The following IPO9 variants were observed in gnomAD, a reference collection of about 807,000 sequenced individuals.
IPO9 encodes importin 9.
Under a neutral mutation model 128.6 loss-of-function variants are expected in IPO9, and 28 were observed. The ratio of observed to expected loss-of-function variants is 0.22; its 90% confidence interval spans 0.16 to 0.30. The LOEUF is 0.30. Among genes scored for constraint, IPO9 ranks in the 10% least tolerant of loss-of-function variants. The pLI, the probability that IPO9 is intolerant of heterozygous loss-of-function variation, is 1.00. For synonymous variants in IPO9, 455 were observed against 475.8 expected (o/e 0.96, Z 0.57); for missense variants, 935 against 1,293.9 (o/e 0.72, Z 4.26).
chr1:201,841,900 T>C (rs1249744885), intron 1 of IPO9, among the ~76,000 whole-genome samples: 4 of 152,222 alleles, frequency 2.6e-5, no homozygotes, highest in Non-Finnish European at 4.4e-5. Flanking sequence ...AAACCATTTT[T>C]CCTCTGCTCT....
rs563047451 is a variant in IPO9 at position 201,875,583 on chromosome 1, C to T, written c.3015+355C>T. ...CGAGCCTGGGCGACAAAGCAAGACC[C>T]TGTGTTCAAAAAAAAAAAAAAATCC... On this transcript the variant is annotated intron_variant, in intron 23 of 23. Transcript: ENST00000361565. Among the ~76,000 whole-genome samples the T allele has an allele frequency of 1.2e-4, 17 of 145,196 alleles. No individual in the cohort carries two copies. The South Asian group carries it at 3.6e-3, about 31-fold the overall frequency.
chr1:201,851,457 A>C (rs1028923251), intron 4 of IPO9, among the ~76,000 whole-genome samples: 2 of 148,692 alleles, frequency 1.3e-5, no homozygotes, highest in Non-Finnish European at 3.0e-5. Flanking sequence ...TGTGTGGTGT[A>C]TTTGGTTTTT....
rs1178878114 is a variant in IPO9, at chr1:201,879,877, AAAAAT to A, written c.*3828_*3832del. ...AATGTGGTGAAACCCCGCCTCTACT[AAAAAT>A]AAAAAAATTAGCTGGGCATGGTGGC... On this transcript the variant is annotated 3_prime_UTR_variant, in exon 24 of 24. Transcript: ENST00000361565. The A allele has an allele frequency of 2.0e-5, 3 of 152,140 alleles. No homozygotes were observed. The highest frequency in any genetic ancestry group is 6.5e-5 in the Admixed American group (1 of 15,270). The allele number at this position is 152,140 out of a possible 1,614,324, so 9.4% of individuals were successfully genotyped here. A position where few individuals can be genotyped will look rare whatever the true frequency, so the allele number is the denominator to read the frequency against.
chr1:201,855,871 TAAG>T lies in IPO9; in HGVS notation c.1062_1064del (p.Lys355del), dbSNP rs778839018. ...AAAATAGCAAATTCAAAAGCACTGT[TAAG>T]AAAGCCTTGCCTGAATTGATTTATT... is the stretch of plus-strand genomic sequence containing the variant. On this transcript the variant is annotated inframe_deletion, in exon 10 of 24. Transcript: ENST00000361565. 1.9e-6 allele frequency: 3 copies of T among 1,612,122 alleles called. No homozygotes were observed. The Admixed American group carries it at 5.1e-5, about 27-fold the overall frequency.
chr1:201,837,088 G>C (rs1248858850), intron 1 of IPO9, among the ~76,000 whole-genome samples: 6 of 152,100 alleles, frequency 3.9e-5, no homozygotes, highest in African/African-American at 1.4e-4. Flanking sequence ...GGCTAACTTG[G>C]GTTTTTGGCC....
intron 4 of IPO9, among the ~76,000 whole-genome samples, chr1:201,850,262 A>G (rs184680891): frequency 1.5e-4 from 23 of 152,298 alleles, no homozygotes; most frequent in Non-Finnish European, 2.8e-4. Flanking sequence ...ACTTGCTCCA[A>G]ATATTTTCAA....
chr1:201,851,047 ACT>A (rs1380755008), intron 4 of IPO9, among the ~76,000 whole-genome samples: 1 of 151,808 alleles, frequency 6.6e-6, no homozygotes, highest in Non-Finnish European at 1.5e-5. Context: ...ACATGGTCTC[ACT>A]CTGTCACCCA....
chr1:201,878,440 C>G lies in IPO9; in HGVS notation c.*2386C>G, dbSNP rs367987270. 4.0e-4 allele frequency: 61 copies of G among 152,590 alleles called. No homozygotes were observed. The highest frequency in any genetic ancestry group is 1.4e-3 in the African/African-American group (59 of 41,428). 9.5% of individuals were successfully genotyped at this position (152,590 alleles called of 1,614,324 possible). A position where few individuals can be genotyped will look rare whatever the true frequency, so the allele number is the denominator to read the frequency against. ...AATGATGGGGGTCCCTCTGCGTCTG[C>G]TAATTAGACAAACATTCTATATCTA... On this transcript the variant is annotated 3_prime_UTR_variant, in exon 24 of 24. Transcript: ENST00000361565.
In IPO9 at chr1:201,863,542, A is replaced by T; in HGVS notation, c.1563A>T (p.Thr521=). Residue 521 remains threonine, a synonymous_variant, in exon 14 of 24, where the codon ACA becomes ACT. Transcript: ENST00000361565. The part of the protein sequence containing the change: ...PELIQQFLQA[T]VSGLHETQPP... The stretch of plus-strand genomic sequence containing the variant: ...TGATCCAGCAGTTCCTACAGGCAAC[A>T]GTTAGTGGTCTTCACGAGACACAGC... The T allele has an allele frequency of 5.6e-6, 9 of 1,607,442 alleles. No individual in the cohort carries two copies. Among genetic ancestry groups the T allele is most frequent in the Non-Finnish European group, 7.7e-6 (9 of 1,174,504 alleles).
At chr1:201,846,168 GTTAC>G (rs1420930797) in intron 1 of IPO9, among the ~76,000 whole-genome samples, 1 of 152,168 alleles carries the variant, frequency 6.6e-6, no homozygotes, top group African/African-American at 2.4e-5. Flanking sequence ...GGAAGTAAGA[GTTAC>G]TTACAGCCTC....
At chr1:201,843,877 G>C (rs1366816790) in intron 1 of IPO9, among the ~76,000 whole-genome samples, 1 of 149,680 alleles carries the variant, frequency 6.7e-6, no homozygotes, top group Non-Finnish European at 1.5e-5. Context: ...AGTTAGGAAA[G>C]AATAAGGCTT....
intron 14 of IPO9, among the ~76,000 whole-genome samples, chr1:201,865,470 A>G (rs1680536043): frequency 6.6e-6 from 1 of 152,036 alleles, no homozygotes; most frequent in Non-Finnish European, 1.5e-5. Context: ...CACCTCCCAA[A>G]GTGCTGGGAT....
chr1:201,876,335 C>T lies in IPO9; in HGVS notation c.*281C>T, dbSNP rs1205710781. 5.6e-6 allele frequency: 3 copies of T among 536,600 alleles called. No individual in the cohort carries two copies. In the East Asian group the frequency reaches 1.0e-4, roughly 19 times the overall value. 33.2% of individuals were successfully genotyped at this position (536,600 alleles called of 1,614,324 possible). On this transcript the variant is annotated 3_prime_UTR_variant, in exon 24 of 24. Transcript: ENST00000361565. ...TACCCCCACCTCTGTTCCTAGAGCC[C>T]TCTGCTGGCGAGTCCAGAAACATTA...
chr1:201,850,109 T>C (rs1480598665), intron 4 of IPO9, among the ~76,000 whole-genome samples: 7 of 152,242 alleles, frequency 4.6e-5, no homozygotes, highest in African/African-American at 1.2e-4. Context: ...AGAGCTCTTA[T>C]TGTGTTTGAC....
Position 201,854,642 on chromosome 1 carries a change from G to C in IPO9, c.738G>C (p.Glu246Asp). 2 of 1,614,156 alleles carry C rather than the reference G, an allele frequency of 1.2e-6. No homozygotes were observed. Among genetic ancestry groups the C allele is most frequent in the Non-Finnish European group, 1.7e-6 (2 of 1,180,036 alleles). The stretch of plus-strand genomic sequence containing the variant: ...TTCCCGTGGTACAGCAGTTCACAGA[G>C]GCCTTTGTTCAGGCCCTCCAGATAC... ...LIFPVVQQFTEAFVQALQIPD... is the reference protein window; with the variant it reads ...LIFPVVQQFTDAFVQALQIPD... The change falls in exon 7 of 24, where the codon GAG becomes GAC. Residue 246 changes from glutamate (E) to aspartate (D), a missense_variant. Glu to Asp is a conservative substitution (Grantham distance 45). Transcript: ENST00000361565.
intron 13 of IPO9, among the ~76,000 whole-genome samples, chr1:201,861,628 G>A (rs78461554): frequency 0.014 from 2,082 of 152,282 alleles, 42 homozygotes; most frequent in African/African-American, 0.045. Flanking sequence ...AAGCAGAGGA[G>A]CATCTGTATT....
rs373503648 is a variant in IPO9 at position 201,874,210 on chromosome 1, C to G, written c.2711-40C>G. Reference sequence around the variant, plus strand: ...ACAGGGGTACTTCCAGAAGTAAGCTCAGTGACACTCTGACTTGAAACCTTT... The same window carrying G: ...ACAGGGGTACTTCCAGAAGTAAGCTGAGTGACACTCTGACTTGAAACCTTT... On this transcript the variant is annotated intron_variant, in intron 20 of 23. Coordinates refer to ENST00000361565, the MANE Select transcript of IPO9 (RefSeq NM_018085.5). 9.9e-6 allele frequency: 16 copies of G among 1,609,092 alleles called. No homozygotes were observed. In the African/African-American group the frequency reaches 1.7e-4, roughly 17 times the overall value.
intron 1 of IPO9, among the ~76,000 whole-genome samples, chr1:201,841,521 C>T (rs950772277): frequency 6.6e-6 from 1 of 152,136 alleles, no homozygotes; most frequent in Non-Finnish European, 1.5e-5. Context: ...TAGCTCTGTT[C>T]TCTGAGAACG....
At chr1:201,836,710 A>G (rs1192738854) in intron 1 of IPO9, among the ~76,000 whole-genome samples, 2 of 152,240 alleles carry the variant, frequency 1.3e-5, no homozygotes, top group African/African-American at 4.8e-5. Flanking sequence ...TGGTCTAGAC[A>G]GAATAAATTG....
Sources: gnomAD v4.1 joint callset for allele counts (sites outside exome capture counted in the v4.1 genomes callset) on GRCh38, gnomAD v4.1.1 for gene constraint, MANE v1.5 for transcripts, NCBI Gene and HGNC (gene_info 2026-07-23, HGNC 2026-07-21) for gene names.